The following GPATCH2 variants were observed in gnomAD, a reference collection of about 807,000 sequenced individuals.
GPATCH2 encodes the protein G-patch domain containing 2.
A neutral mutation model predicts 58.0 loss-of-function variants in GPATCH2; 51 were observed. That is an observed-to-expected ratio of 0.88 (90% confidence interval 0.70 to 1.11). The LOEUF (loss-of-function observed/expected upper bound fraction) is 1.11, where lower values mean the gene tolerates loss of function less well. Ranked by LOEUF, GPATCH2 falls within the 50% of genes most tolerant of loss-of-function variation. The pLI is 0.00. For missense variants in GPATCH2, 625 were observed against 652.2 expected (o/e 0.96, Z 0.45); for synonymous variants, 222 against 218.5 (o/e 1.02, Z -0.14).
At chr1:217,609,772 C>T in intron 5 of GPATCH2, 2 of 960,616 alleles carry the variant, frequency 2.1e-6, no homozygotes, top group African/African-American at 1.8e-5. Context: ...AAAATTAATT[C>T]TTAATCAGTC....
chr1:217,614,332 T>C (rs913487300), intron 2 of GPATCH2, 130 bp from the exon 3 acceptor site: 2 of 425,164 alleles, frequency 4.7e-6, no homozygotes, highest in East Asian at 8.7e-5. Context: ...AATAAGATGA[T>C]TTTTTTTTTA....
chr1:217,543,078 C>T (rs1051247506), intron 5 of GPATCH2, among the ~76,000 whole-genome samples: 1 of 152,126 alleles, frequency 6.6e-6, no homozygotes, highest in Non-Finnish European at 1.5e-5. Flanking sequence ...CATCAGTCCA[C>T]TTAGCCTTAT....
At chr1:217,461,843 C>A (rs901851896) in intron 8 of GPATCH2, among the ~76,000 whole-genome samples, 2 of 152,138 alleles carry the variant, frequency 1.3e-5, no homozygotes, top group Non-Finnish European at 2.9e-5. Flanking sequence ...TGCTTTCAGA[C>A]CCTCCTCCTC....
intron 5 of GPATCH2, among the ~76,000 whole-genome samples, chr1:217,518,339 T>C (rs1663279299): frequency 6.6e-6 from 1 of 152,198 alleles, no homozygotes; most frequent in African/African-American, 2.4e-5. Flanking sequence ...TACCAATATA[T>C]TGGAAATTCT....
chr1:217,601,295 G>A (rs375464871), intron 5 of GPATCH2, among the ~76,000 whole-genome samples: 42 of 152,010 alleles, frequency 2.8e-4, no homozygotes, highest in East Asian at 1.9e-3. Flanking sequence ...ACAAAGAAAC[G>A]ATACATGTTT....
intron 5 of GPATCH2, among the ~76,000 whole-genome samples, chr1:217,563,272 T>C (rs1427591395): frequency 6.6e-6 from 1 of 152,132 alleles, no homozygotes; most frequent in Non-Finnish European, 1.5e-5. Context: ...TTGCATCTAG[T>C]ATATATTCAG....
chr1:217,611,210 G>A (rs1023916027), intron 3 of GPATCH2, 139 bp from the exon 4 acceptor site: 4 of 720,074 alleles, frequency 5.6e-6, no homozygotes, highest in African/African-American at 5.4e-5. Flanking sequence ...TTTAATATAA[G>A]TATTATATAC....
intron 6 of GPATCH2, among the ~76,000 whole-genome samples, chr1:217,502,680 A>T (rs924200496): frequency 3.9e-5 from 6 of 152,126 alleles, no homozygotes; most frequent in African/African-American, 1.4e-4. Flanking sequence ...ATATTTAAAA[A>T]GCACTACAAA....
chr1:217,572,211 G>C (rs903449806), intron 5 of GPATCH2, among the ~76,000 whole-genome samples: 4 of 152,148 alleles, frequency 2.6e-5, no homozygotes, highest in Non-Finnish European at 5.9e-5. Flanking sequence ...TTGATAGCTA[G>C]TAGAAGAATT....
rs189339332 is a variant in GPATCH2 at position 217,466,972 on chromosome 1, A to C, written c.1278-17635T>G. Among the ~76,000 whole-genome samples, 130 of 152,328 alleles carry C rather than the reference A, an allele frequency of 8.5e-4. 5 individuals carry two copies. The East Asian group carries it at 0.024, about 28-fold the overall frequency. ...CGGATTGCCTGAGGTCAGGAGTTTGAGACCATCCTGGCCAACATGGTGAAA... is the reference window on the plus strand; with the variant it reads ...CGGATTGCCTGAGGTCAGGAGTTTGCGACCATCCTGGCCAACATGGTGAAA... On this transcript the variant is annotated intron_variant, in intron 8 of 9. Coordinates refer to ENST00000366935, the MANE Select transcript of GPATCH2 (RefSeq NM_018040.5).
At chr1:217,510,633 T>C (rs1031259076) in intron 6 of GPATCH2, among the ~76,000 whole-genome samples, 2 of 152,140 alleles carry the variant, frequency 1.3e-5, no homozygotes, top group Non-Finnish European at 1.5e-5. Context: ...TTTAATTTTA[T>C]AGAGTGCTCA....
chr1:217,581,051 C>A lies in GPATCH2; in HGVS notation c.1098+29270G>T, dbSNP rs1487295576. Among the ~76,000 whole-genome samples the A allele has an allele frequency of 2.6e-5, 4 of 151,548 alleles. 2 individuals carry two copies. The highest frequency in any genetic ancestry group is 5.9e-5 in the Non-Finnish European group (4 of 67,852). ...AAAAAAAAAAAGAAAGGCAGAATCT[C>A]AAGTTCCTCCCACGACTTATTAAAT... On this transcript the variant is annotated intron_variant, in intron 5 of 9. Coordinates refer to ENST00000366935, the MANE Select transcript of GPATCH2 (RefSeq NM_018040.5).
intron 3 of GPATCH2, among the ~76,000 whole-genome samples, chr1:217,612,289 CACT>C (rs1251616790): frequency 6.6e-6 from 1 of 152,140 alleles, no homozygotes; most frequent in East Asian, 1.9e-4. Flanking sequence ...GAGAAGCCAC[CACT>C]AATTCTGGTT....
chr1:217,624,147 C>T (rs1314648389), intron 1 of GPATCH2, among the ~76,000 whole-genome samples: 6 of 152,098 alleles, frequency 3.9e-5, no homozygotes. Flanking sequence ...AAGTCAATAC[C>T]AACCAAAACC....
intron 8 of GPATCH2, among the ~76,000 whole-genome samples, chr1:217,484,680 C>G (rs1661376717): frequency 6.7e-6 from 1 of 149,100 alleles, no homozygotes; most frequent in African/African-American, 2.5e-5. Context: ...CACGTGTATA[C>G]ACATATGAAC....
At chr1:217,464,061 C>T (rs1234712532) in intron 8 of GPATCH2, among the ~76,000 whole-genome samples, 2 of 152,038 alleles carry the variant, frequency 1.3e-5, no homozygotes, top group South Asian at 2.1e-4. Flanking sequence ...TAAACCCTGA[C>T]CACTTAGCAC....
At chr1:217,489,793 C>T (rs1299772206) in intron 8 of GPATCH2, among the ~76,000 whole-genome samples, 6 of 152,152 alleles carry the variant, frequency 3.9e-5, no homozygotes, top group African/African-American at 9.7e-5. Flanking sequence ...ACCCGAGAGG[C>T]GGAGGTTGCA....
intron 5 of GPATCH2, among the ~76,000 whole-genome samples, chr1:217,544,225 C>G (rs1336581565): frequency 5.9e-5 from 9 of 152,114 alleles, no homozygotes; most frequent in Non-Finnish European, 1.2e-4. Context: ...CAAAACCTGT[C>G]TTTACTAAAA....
At chr1:217,449,129 ATAGTTTCTTG>A (rs1191720132) in intron 9 of GPATCH2, 110 bp downstream of exon 9, 1 of 666,360 alleles carries the variant, frequency 1.5e-6, no homozygotes, top group Non-Finnish European at 2.7e-6. Context: ...ATTTGTTTTC[ATAGTTTCTTG>A]CAACTGTGCT....
Sources: allele counts gnomAD v4.1 joint callset (sites outside exome capture counted in the v4.1 genomes callset), GRCh38; gene constraint gnomAD v4.1.1; transcripts MANE v1.5; gene names NCBI Gene and HGNC (gene_info 2026-07-23, HGNC 2026-07-21).